Variants in CAND1 observed in about 807,000 individuals in gnomAD.
CAND1 encodes the protein cullin-associated NEDD8-dissociated protein 1.
A neutral mutation model predicts 108.5 loss-of-function variants in CAND1; 7 were observed. That is an observed-to-expected ratio of 0.06 (90% CI 0.04 to 0.12). CAND1 has a LOEUF of 0.12. CAND1 is among the 10% of genes least tolerant of loss of function. CAND1 has a pLI of 1.00. For missense variants in CAND1, 941 were observed against 1,448.7 expected, an observed-to-expected ratio of 0.65 and a Z score of 5.69; for synonymous variants, 534 against 512.0, an observed-to-expected ratio of 1.04 and a Z score of -0.58.
chr12:67,274,356 G>A (rs1313576151), intron 1 of CAND1, among the ~76,000 whole-genome samples: 1 of 152,194 alleles, frequency 6.6e-6, no homozygotes, highest in African/African-American at 2.4e-5. Context: ...CATGTCCATG[G>A]AGAGATTTGA....
rs578127782 is a variant in CAND1 at position 67,319,307 on chromosome 12, G to A, written c.*6477G>A. 1 of 152,316 alleles carries A rather than the reference G, an allele frequency of 6.6e-6. No individual in the cohort carries two copies. The highest frequency in any genetic ancestry group is 1.9e-4 in the East Asian group (1 of 5,186). 9.4% of individuals were successfully genotyped at this position (152,316 alleles called of 1,614,324 possible). A position where few individuals can be genotyped will look rare whatever the true frequency, so the allele number is the denominator to read the frequency against. On this transcript the variant is annotated 3_prime_UTR_variant, in exon 15 of 15. Coordinates refer to ENST00000545606, the MANE Select transcript of CAND1 (RefSeq NM_018448.5). ...ACAACTAGGACTAACTTTTTCTTCTGACAACTATAAAATATTTCCCTTGCC... is the reference window on the plus strand; with the variant it reads ...ACAACTAGGACTAACTTTTTCTTCTAACAACTATAAAATATTTCCCTTGCC...
chr12:67,291,076 G>C (rs973138485), intron 2 of CAND1, among the ~76,000 whole-genome samples: 3 of 152,174 alleles, frequency 2.0e-5, no homozygotes, highest in Non-Finnish European at 4.4e-5. Flanking sequence ...TGCCAAAATG[G>C]TTGGGAACTG....
At chr12:67,297,181 C>A in intron 4 of CAND1, 1 of 596,154 alleles carries the variant, frequency 1.7e-6, no homozygotes, top group South Asian at 2.0e-5. Flanking sequence ...GTCTAGATTC[C>A]CGGAGTCAGT....
chr12:67,283,065 CTTTT>C (rs1432324242), intron 2 of CAND1, among the ~76,000 whole-genome samples: 1 of 152,052 alleles, frequency 6.6e-6, no homozygotes, highest in Non-Finnish European at 1.5e-5. Flanking sequence ...GGAATTATGT[CTTTT>C]TGTACATCAT....
At chr12:67,285,576 AC>A (rs2044662823) in intron 2 of CAND1, among the ~76,000 whole-genome samples, 1 of 152,182 alleles carries the variant, frequency 6.6e-6, no homozygotes, top group African/African-American at 2.4e-5. Context: ...GCATTCATAG[AC>A]CAGTGAGGTA....
intron 3 of CAND1, among the ~76,000 whole-genome samples, chr12:67,294,643 C>G (rs947931200): frequency 6.6e-6 from 1 of 152,162 alleles, no homozygotes; most frequent in Non-Finnish European, 1.5e-5. Context: ...ATAATATCTA[C>G]TATTATCCAG....
At chr12:67,269,820 G>T in intron 1 of CAND1, 35 bp downstream of exon 1, 1 of 1,574,522 alleles carries the variant, frequency 6.4e-7, no homozygotes, top group Non-Finnish European at 8.6e-7. Flanking sequence ...CCCACCTCGG[G>T]GTTCTCGCAG....
intron 4 of CAND1, among the ~76,000 whole-genome samples, chr12:67,295,380 GTAAT>G (rs1354610727): frequency 4.6e-5 from 7 of 152,022 alleles, no homozygotes; most frequent in Non-Finnish European, 8.8e-5. Context: ...GTTCTTTAAA[GTAAT>G]TAATAAAATT....
rs2045025035 is a variant in CAND1, at chr12:67,317,949, T to G, written c.*5119T>G. 1 of 152,296 alleles carries G rather than the reference T, an allele frequency of 6.6e-6. No individual in the cohort carries two copies. Among genetic ancestry groups the G allele is most frequent in the African/African-American group, 2.4e-5 (1 of 41,472 alleles). The allele number at this position is 152,296 out of a possible 1,614,324, so 9.4% of individuals were successfully genotyped here. A position where few individuals can be genotyped will look rare whatever the true frequency, so the allele number is the denominator to read the frequency against. ...GTCTCTTTGCTGATGGCATCCCATT[T>G]ACCCAGTCATTCAAACTGGAAATCT... On this transcript the variant is annotated 3_prime_UTR_variant, in exon 15 of 15. Coordinates refer to ENST00000545606, the MANE Select transcript of CAND1 (RefSeq NM_018448.5).
chr12:67,297,701 T>C (rs2044783233), intron 5 of CAND1, 38 bp downstream of exon 5: 1 of 1,584,726 alleles, frequency 6.3e-7, no homozygotes, highest in Non-Finnish European at 8.6e-7. Context: ...TTTCTTTAAT[T>C]AAAAAAATTA....
intron 7 of CAND1, among the ~76,000 whole-genome samples, chr12:67,299,427 C>T (rs982946322): frequency 2.0e-5 from 3 of 151,880 alleles, no homozygotes. Flanking sequence ...GTACTATTAC[C>T]ACTTGTTTTC....
intron 11 of CAND1, among the ~76,000 whole-genome samples, chr12:67,307,734 T>C (rs2044903124): frequency 1.3e-5 from 2 of 152,088 alleles, no homozygotes; most frequent in African/African-American, 2.4e-5. Flanking sequence ...TAGAGTCAAC[T>C]ACATATTTGA....
In CAND1 at chr12:67,313,765, C is replaced by T. The variant is rs1284541935; in HGVS notation, c.*935C>T. On this transcript the variant is annotated 3_prime_UTR_variant, in exon 15 of 15. Transcript: ENST00000545606. Reference sequence around the variant, plus strand: ...AATTCTTAAAACCAGATTTTTCTTTCATTCCGTTTGGATGTCTACATTCCT... The same window carrying T: ...AATTCTTAAAACCAGATTTTTCTTTTATTCCGTTTGGATGTCTACATTCCT... 6.6e-6 allele frequency: 1 copy of T among 152,552 alleles called. No individual in the cohort carries two copies. Among genetic ancestry groups the T allele is most frequent in the Non-Finnish European group, 1.5e-5 (1 of 67,986 alleles). 9.4% of individuals were successfully genotyped at this position (152,552 alleles called of 1,614,324 possible).
At chr12:67,297,148 A>G (rs1175634675) in intron 4 of CAND1, 4 of 517,076 alleles carry the variant, frequency 7.7e-6, no homozygotes, top group Non-Finnish European at 1.4e-5. Flanking sequence ...AATCAATTAG[A>G]TATCCTATAA....
At chr12:67,280,735 G>A (rs1021198111) in intron 1 of CAND1, among the ~76,000 whole-genome samples, 3 of 152,156 alleles carry the variant, frequency 2.0e-5, no homozygotes, top group East Asian at 1.9e-4. Flanking sequence ...CTGAGATGCC[G>A]TTTATACCTT....
intron 1 of CAND1, among the ~76,000 whole-genome samples, chr12:67,277,463 T>C (rs2044580311): frequency 6.6e-6 from 1 of 152,210 alleles, no homozygotes. Flanking sequence ...ATAGCCTTCT[T>C]GCACTTAGGA....
At chr12:67,272,179 AC>A (rs1489524356) in intron 1 of CAND1, among the ~76,000 whole-genome samples, 2 of 152,356 alleles carry the variant, frequency 1.3e-5, no homozygotes, top group Admixed American at 6.5e-5. Context: ...CTCTGCCTGT[AC>A]TAAGGACGAG....
chr12:67,296,371 G>C (rs528446699), intron 4 of CAND1, among the ~76,000 whole-genome samples: 2 of 152,100 alleles, frequency 1.3e-5, no homozygotes, highest in Admixed American at 1.3e-4. Context: ...GTTTTTTAGT[G>C]TTGTGAATCC....
At chr12:67,306,925 C>T (rs928787244) in intron 10 of CAND1, among the ~76,000 whole-genome samples, 7 of 152,002 alleles carry the variant, frequency 4.6e-5, no homozygotes, top group Non-Finnish European at 7.4e-5. Flanking sequence ...ATACTAATTA[C>T]AATAAGTATA....
Sources: gnomAD v4.1 joint callset for allele counts (sites outside exome capture counted in the v4.1 genomes callset) on GRCh38, gnomAD v4.1.1 for gene constraint, MANE v1.5 for transcripts, NCBI Gene and HGNC (gene_info 2026-07-23, HGNC 2026-07-21) for gene names.